The following FAM117A variants were observed in gnomAD, a reference collection of about 807,000 sequenced individuals.
FAM117A encodes the protein family with sequence similarity 117 member A, also known as protein FAM117A.
In FAM117A, 21 loss-of-function variants were observed where a neutral mutation model predicts 44.1. The observed-to-expected ratio is 0.48, with a 90% confidence interval of 0.34 to 0.69. The LOEUF (loss-of-function observed/expected upper bound fraction) is 0.69, where lower values mean the gene tolerates loss of function less well. Ranked by LOEUF, FAM117A falls within the 30% of genes least tolerant of loss-of-function variation. The pLI, the probability that FAM117A is intolerant of heterozygous loss-of-function variation, is 0.01. For missense variants in FAM117A, 498 were observed against 589.9 expected (o/e 0.84, Z 1.61); for synonymous variants, 220 against 238.3 (o/e 0.92, Z 0.71).
At chr17:49,777,267 G>A (rs1307693570) in intron 1 of FAM117A, among the ~76,000 whole-genome samples, 1 of 152,186 alleles carries the variant, frequency 6.6e-6, no homozygotes, top group African/African-American at 2.4e-5. Flanking sequence ...TAGGCTGCTG[G>A]AAGGGGAGGG....
intron 2 of FAM117A, among the ~76,000 whole-genome samples, chr17:49,728,022 T>C (rs1224504412): frequency 6.6e-6 from 1 of 152,262 alleles, no homozygotes; most frequent in Admixed American, 6.5e-5. Flanking sequence ...GGTGGTCTGC[T>C]GGTCAGCACT....
intron 1 of FAM117A, among the ~76,000 whole-genome samples, chr17:49,776,475 T>C (rs530645290): frequency 1.9e-4 from 29 of 152,300 alleles, no homozygotes; most frequent in African/African-American, 7.0e-4. Flanking sequence ...TCTAGAGCTC[T>C]GATTTTGTTT....
At chr17:49,758,497 A>G (rs1598033311) in intron 1 of FAM117A, among the ~76,000 whole-genome samples, 1 of 144,166 alleles carries the variant, frequency 6.9e-6, no homozygotes, top group East Asian at 2.1e-4. Flanking sequence ...GGTGGTGGGC[A>G]CCTGTGGTCC....
In FAM117A at chr17:49,719,252, A is replaced by T. The variant is rs556289563; in HGVS notation, c.708+508T>A. On this transcript the variant is annotated intron_variant, in intron 5 of 7. Transcript: ENST00000240364. ...CCCCAGCCTGGGCAACAAGAGTGAA[A>T]CTCCATCTCAAAAAAAAAAAAAAGT... Among the ~76,000 whole-genome samples, 91 of 151,258 alleles carry T rather than the reference A, an allele frequency of 6.0e-4. 1 individual carries two copies. In the South Asian group the frequency reaches 0.017, roughly 28 times the overall value.
chr17:49,745,035 AC>A, intron 1 of FAM117A, among the ~76,000 whole-genome samples: 1 of 144,266 alleles, frequency 6.9e-6, no homozygotes, highest in Non-Finnish European at 1.5e-5. Context: ...AAAAAAAAAC[AC>A]ACACACACAC....
intron 2 of FAM117A, among the ~76,000 whole-genome samples, chr17:49,728,593 A>C (rs2073570688): frequency 6.6e-6 from 1 of 152,102 alleles, no homozygotes; most frequent in Admixed American, 6.6e-5. Context: ...CCAACAGGGG[A>C]ACTTTGCTCA....
In FAM117A at chr17:49,711,270, G is replaced by C; in HGVS notation, c.1347C>G (p.Ser449Arg). 1 of 1,605,158 alleles carries C rather than the reference G, an allele frequency of 6.2e-7. No individual in the cohort carries two copies. Among genetic ancestry groups the C allele is most frequent in the Non-Finnish European group, 8.5e-7 (1 of 1,174,804 alleles). The change falls in exon 8 of 8, where the codon AGC becomes AGG. Residue 449 changes from serine (S) to arginine (R), a missense_variant. This residue lies in a region of FAM117A where 224 missense variants were observed against 296.5 expected (regional missense o/e 0.76). Coordinates refer to ENST00000240364, the MANE Select transcript of FAM117A (RefSeq NM_030802.4). ...PPSEEPVLFQ[S>R]SLMV ...GGTGGGACCCTCAGACCATCAGGGA[G>C]CTCTGGAAAAGCACAGGCTCTTCTG...
chr17:49,780,247 C>T (rs191430250), intron 1 of FAM117A, among the ~76,000 whole-genome samples: 12 of 152,330 alleles, frequency 7.9e-5, no homozygotes, highest in Admixed American at 1.3e-4. Context: ...AAAAGACCCA[C>T]ATTTTACAAA....
chr17:49,771,486 TA>T (rs5820778), intron 1 of FAM117A, among the ~76,000 whole-genome samples: 138,566 of 149,694 alleles, frequency 0.93, 64,179 homozygotes, highest in East Asian at 1. Context: ...TATTTCTCAT[TA>T]AAAAAAAAAA....
chr17:49,759,459 T>A (rs2073713260), intron 1 of FAM117A, among the ~76,000 whole-genome samples: 1 of 152,214 alleles, frequency 6.6e-6, no homozygotes, highest in Non-Finnish European at 1.5e-5. Flanking sequence ...GTTTTAATGC[T>A]TCCCAAACAG....
chr17:49,740,870 G>C (rs1261781371), intron 1 of FAM117A, among the ~76,000 whole-genome samples: 2 of 152,172 alleles, frequency 1.3e-5, no homozygotes, highest in Non-Finnish European at 2.9e-5. Context: ...GGCATTAGAG[G>C]AAAGACAGTA....
chr17:49,728,309 C>T (rs762207263), intron 2 of FAM117A, among the ~76,000 whole-genome samples: 1 of 152,058 alleles, frequency 6.6e-6, no homozygotes, highest in Non-Finnish European at 1.5e-5. Context: ...GGATAGTACA[C>T]AGGTAGGGGA....
intron 1 of FAM117A, among the ~76,000 whole-genome samples, chr17:49,743,449 G>T (rs1428711722): frequency 6.6e-6 from 1 of 152,152 alleles, no homozygotes; most frequent in East Asian, 1.9e-4. Context: ...GAAAAAAAAG[G>T]CCAGGCACAG....
intron 1 of FAM117A, among the ~76,000 whole-genome samples, chr17:49,758,632 A>AAAAT (rs1555598050): frequency 2.9e-5 from 4 of 137,660 alleles, no homozygotes; most frequent in African/African-American, 5.8e-5. Flanking sequence ...AAAAAAAAAA[A>AAAAT]AAAATAAAAT....
intron 7 of FAM117A, among the ~76,000 whole-genome samples, chr17:49,712,783 T>C (rs1382157615): frequency 6.6e-6 from 1 of 152,218 alleles, no homozygotes; most frequent in African/African-American, 2.4e-5. Context: ...TGGTAACAAC[T>C]GTGAGAAAGG....
At chr17:49,734,074 C>T (rs987585246) in intron 1 of FAM117A, among the ~76,000 whole-genome samples, 1 of 148,432 alleles carries the variant, frequency 6.7e-6, no homozygotes, top group Non-Finnish European at 1.5e-5. Context: ...ACCCAGGAGG[C>T]AGTGCTTGCA....
At chr17:49,782,102 G>A (rs1367916353) in intron 1 of FAM117A, among the ~76,000 whole-genome samples, 3 of 152,060 alleles carry the variant, frequency 2.0e-5, no homozygotes, top group Non-Finnish European at 4.4e-5. Flanking sequence ...TGGGTCAGGC[G>A]TGGTGGCTCA....
At chr17:49,774,568 C>A (rs2073770684) in intron 1 of FAM117A, among the ~76,000 whole-genome samples, 1 of 151,994 alleles carries the variant, frequency 6.6e-6, no homozygotes, top group Non-Finnish European at 1.5e-5. Context: ...CCATGTTGGC[C>A]AGGATGGGCT....
intron 6 of FAM117A, 84 bp downstream of exon 6, chr17:49,717,429 C>A: frequency 8.3e-7 from 1 of 1,200,636 alleles, no homozygotes; most frequent in Non-Finnish European, 1.2e-6. Context: ...AATGCTAGGC[C>A]TGAATTGACT....
Sources: gnomAD v4.1 joint callset for allele counts (sites outside exome capture counted in the v4.1 genomes callset) on GRCh38, gnomAD v4.1.1 for gene constraint, gnomAD v4.1.1 regional missense constraint, MANE v1.5 for transcripts, NCBI Gene and HGNC (gene_info 2026-07-23, HGNC 2026-07-21) for gene names.